SPAG6: variants seen among roughly 807,000 people sequenced by gnomAD.
The protein encoded by SPAG6 is sperm-associated antigen 6.
A neutral mutation model predicts 58.5 loss-of-function variants in SPAG6; 49 were observed. The ratio of observed to expected loss-of-function variants is 0.84; its 90% CI spans 0.67 to 1.06. The LOEUF (loss-of-function observed/expected upper bound fraction) is 1.06. Among genes scored for constraint, SPAG6 ranks in the 50% least tolerant of loss-of-function variants. The pLI is 0.00. For synonymous variants in SPAG6, 233 were observed against 225.6 expected, an observed-to-expected ratio of 1.03 and a Z score of -0.29; for missense variants, 560 against 611.3, an observed-to-expected ratio of 0.92 and a Z score of 0.89.
chr10:22,380,117 GT>G (rs1833914748), intron 4 of SPAG6, among the ~76,000 whole-genome samples: 1 of 152,086 alleles, frequency 6.6e-6, no homozygotes, highest in East Asian at 1.9e-4. Flanking sequence ...TACTTTGGAA[GT>G]GCTATTACCA....
intron 4 of SPAG6, among the ~76,000 whole-genome samples, chr10:22,385,756 A>C (rs759297248): frequency 6.6e-6 from 1 of 152,220 alleles, no homozygotes; most frequent in Non-Finnish European, 1.5e-5. Context: ...CAAATTAAAG[A>C]CTTTAAGTGA....
Position 22,389,349 on chromosome 10 carries a change from G to A in SPAG6, c.1005+37G>A, listed in dbSNP as rs776744185. On this transcript the variant is annotated intron_variant, in intron 7 of 10. Coordinates refer to ENST00000376624, the MANE Select transcript of SPAG6 (RefSeq NM_012443.4). ...CTTCGTTTTCTTCCAGTTGCAGTAA[G>A]AAATTCTAAGACAGAACCACAGATT... is the stretch of plus-strand genomic sequence containing the variant. 2.4e-5 allele frequency: 39 copies of A among 1,591,860 alleles called. No homozygotes were observed. The East Asian group carries it at 8.3e-4, about 34-fold the overall frequency.
intron 9 of SPAG6, among the ~76,000 whole-genome samples, chr10:22,404,110 C>A (rs1390652556): frequency 1.6e-5 from 2 of 121,688 alleles, no homozygotes; most frequent in Non-Finnish European, 3.4e-5. Context: ...ATGGTAGTTT[C>A]TTTTGCTGTG....
rs532317920 is a variant in SPAG6, at chr10:22,362,374, G to T, written c.122-2479G>T. On this transcript the variant is annotated intron_variant, in intron 2 of 10. Coordinates refer to ENST00000376624, the MANE Select transcript of SPAG6 (RefSeq NM_012443.4). ...ATTTATTATGAAACTTTAAATATAT[G>T]TTAACAAATTTAGCTTTTCTTTTTT... Among the ~76,000 whole-genome samples the T allele has an allele frequency of 2.2e-3, 328 of 151,666 alleles. 1 individual carries two copies. Among genetic ancestry groups the T allele is most frequent in the African/African-American group, 7.6e-3 (314 of 41,360 alleles).
chr10:22,416,883 C>A lies in SPAG6; in HGVS notation c.*195C>A, dbSNP rs915329225. On this transcript the variant is annotated 3_prime_UTR_variant, in exon 11 of 11. Coordinates refer to ENST00000376624, the MANE Select transcript of SPAG6 (RefSeq NM_012443.4). ...ATGTGAGGAACTATTCATGGTCATT[C>A]GCATGCATAGGATTTGTTCTACAGG... The A allele has an allele frequency of 2.1e-5, 9 of 425,644 alleles. No homozygotes were observed. Among genetic ancestry groups the A allele is most frequent in the African/African-American group, 4.0e-5 (2 of 50,002 alleles). 26.4% of individuals were successfully genotyped at this position (425,644 alleles called of 1,614,324 possible).
chr10:22,387,994 G>A lies in SPAG6; in HGVS notation c.850G>A (p.Glu284Lys), dbSNP rs945308096. Reference protein sequence around the residue: ...LIREIAKHTPELSQLVVNAGG... With the variant: ...LIREIAKHTPKLSQLVVNAGG... ...TAGAGAGATTGCAAAACATACACCC[G>A]AGGTGAAAAGAAACTTCAAGGCACA... The change falls in exon 6 of 11, where the codon GAG becomes AAG. Residue 284 changes from glutamate (E) to lysine (K), a missense_variant and splice_region_variant. Coordinates refer to ENST00000376624, the MANE Select transcript of SPAG6 (RefSeq NM_012443.4). 4.9e-5 allele frequency: 79 copies of A among 1,597,006 alleles called. No homozygotes were observed. Among genetic ancestry groups the A allele is most frequent in the Middle Eastern group, 1.7e-4 (1 of 5,952 alleles).
At chr10:22,413,490 G>A (rs895160514) in intron 10 of SPAG6, among the ~76,000 whole-genome samples, 3 of 151,672 alleles carry the variant, frequency 2.0e-5, no homozygotes, top group African/African-American at 7.3e-5. Context: ...CCGAGATTGT[G>A]CCACTGCACT....
At chr10:22,363,719 T>C (rs1344882273) in intron 2 of SPAG6, among the ~76,000 whole-genome samples, 1 of 152,230 alleles carries the variant, frequency 6.6e-6, no homozygotes, top group East Asian at 1.9e-4. Flanking sequence ...TAGGTGTTAT[T>C]GTAAATGTTT....
rs1020870094 is a variant in SPAG6, at chr10:22,401,186, T to C, written c.1223T>C (p.Leu408Pro). ...VKSKKAIKNILQKCTYLPALE... is the reference protein window; with the variant it reads ...VKSKKAIKNIPQKCTYLPALE... Reference sequence around the variant, plus strand: ...AGTAAAAAAGCCATAAAGAATATCCTGCAAAAATGTACCTACTTACCAGCC... The same window carrying C: ...AGTAAAAAAGCCATAAAGAATATCCCGCAAAAATGTACCTACTTACCAGCC... Residue 408 changes from leucine (L) to proline (P), a missense_variant, in exon 9 of 11, where the codon CTG (leucine) becomes CCG (proline). By Grantham distance (98) the Leu-to-Pro change is moderately conservative. Transcript: ENST00000376624. The C allele has an allele frequency of 1.3e-6, 2 of 1,592,684 alleles. No homozygotes were observed. The highest frequency in any genetic ancestry group is 2.7e-5 in the African/African-American group (2 of 74,422).
intron 9 of SPAG6, among the ~76,000 whole-genome samples, chr10:22,405,929 G>T (rs1028152494): frequency 6.6e-6 from 1 of 152,166 alleles, no homozygotes; most frequent in Non-Finnish European, 1.5e-5. Flanking sequence ...TTGCGTAGAG[G>T]TGTTTATAGT....
intron 2 of SPAG6, among the ~76,000 whole-genome samples, chr10:22,347,577 AT>A (rs1027300365): frequency 2.6e-5 from 4 of 152,222 alleles, no homozygotes; most frequent in African/African-American, 9.6e-5. Flanking sequence ...TTATTTTCAA[AT>A]TTTAATACTG....
In SPAG6 at chr10:22,368,694, CAGGA is replaced by C; in HGVS notation, c.472+17_472+20del. On this transcript the variant is annotated intron_variant, in intron 4 of 10. Coordinates refer to ENST00000376624, the MANE Select transcript of SPAG6 (RefSeq NM_012443.4). Reference sequence around the variant, plus strand: ...CATAATGCAGGTAATTTAAAATATGCAGGAGCATATTTTAAAATAGGATTATTAC... The same window carrying C: ...CATAATGCAGGTAATTTAAAATATGCGCATATTTTAAAATAGGATTATTAC... 6.3e-7 allele frequency: 1 copy of C among 1,579,324 alleles called. No homozygotes were observed.
intron 3 of SPAG6, 133 bp downstream of exon 3, chr10:22,365,152 G>T: frequency 1.7e-6 from 1 of 573,492 alleles, no homozygotes; most frequent in Middle Eastern, 4.8e-4. Flanking sequence ...TATCTGAGCT[G>T]CATGTAATCA....
intron 4 of SPAG6, among the ~76,000 whole-genome samples, chr10:22,372,350 C>G (rs1833719357): frequency 6.6e-6 from 1 of 152,196 alleles, no homozygotes; most frequent in African/African-American, 2.4e-5. Flanking sequence ...AAATCTGTCA[C>G]TGTTTCCAAG....
intron 4 of SPAG6, among the ~76,000 whole-genome samples, chr10:22,371,174 A>T (rs1833677176): frequency 6.6e-6 from 1 of 152,240 alleles, no homozygotes; most frequent in Admixed American, 6.5e-5. Context: ...TCAGAAGGAA[A>T]GGGAATTGTT....
Position 22,345,906 on chromosome 10 carries a change from G to T in SPAG6, c.121+88G>T. ...GCTGCCCTGCCCGTGGAGCTCTTGG[G>T]GAGCCGCAGTGTGGGGACCGGAGTT... is the stretch of plus-strand genomic sequence containing the variant. On this transcript the variant is annotated intron_variant, in intron 2 of 10. Transcript: ENST00000376624. The surrounding 1 kb of genome is among the most constrained non-coding windows in gnomAD (Gnocchi z 6.3). 1.9e-6 allele frequency: 3 copies of T among 1,577,292 alleles called. No homozygotes were observed. Among genetic ancestry groups the T allele is most frequent in the East Asian group, 2.4e-5 (1 of 42,364 alleles).
chr10:22,347,045 G>T (rs1467969963), intron 2 of SPAG6, among the ~76,000 whole-genome samples: 1 of 152,116 alleles, frequency 6.6e-6, no homozygotes, highest in African/African-American at 2.4e-5. Flanking sequence ...TTGTTCGTGT[G>T]TGTGTGTGTT....
intron 9 of SPAG6, among the ~76,000 whole-genome samples, chr10:22,404,755 T>G (rs557856746): frequency 0.15 from 22,020 of 147,408 alleles, 5,018 homozygotes; most frequent in African/African-American, 0.5. Flanking sequence ...ATATTGATTC[T>G]TCCTACCCAT....
chr10:22,345,571 C>A lies in SPAG6; in HGVS notation c.-41C>A. 2 of 1,505,844 alleles carry A rather than the reference C, an allele frequency of 1.3e-6. No homozygotes were observed. Among genetic ancestry groups the A allele is most frequent in the South Asian group, 1.2e-5 (1 of 81,172 alleles). The allele number at this position is 1,505,844 out of a possible 1,614,324, so 93.3% of individuals were successfully genotyped here. ...GGTGGACTCGCAGGCCGAGCGGCTTCCCCGCAGAGCTCGAGGAGGGCAGAC... is the reference window on the plus strand; with the variant it reads ...GGTGGACTCGCAGGCCGAGCGGCTTACCCGCAGAGCTCGAGGAGGGCAGAC... On this transcript the variant is annotated 5_prime_UTR_variant, in exon 1 of 11. Transcript: ENST00000376624. This position sits in a 1 kb window ranked among gnomAD's most constrained non-coding sequence, Gnocchi z 6.3.
Sources: gnomAD v4.1 joint callset for allele counts (sites outside exome capture counted in the v4.1 genomes callset) on GRCh38, gnomAD v4.1.1 for gene constraint, Gnocchi (gnomAD v3.1) non-coding constraint, MANE v1.5 for transcripts, NCBI Gene and HGNC (gene_info 2026-07-23, HGNC 2026-07-21) for gene names.